Variants in ALG14 observed in about 807,000 individuals in gnomAD.
The protein encoded by ALG14 is UDP-N-acetylglucosamine transferase subunit ALG14.
ALG14 carries 17 observed loss-of-function variants against 22.8 expected under a neutral mutation model. That is an observed-to-expected ratio of 0.75 (90% CI 0.51 to 1.12). The LOEUF is 1.12. Ranked by LOEUF, ALG14 falls within the 50% of genes most tolerant of loss-of-function variation. ALG14 has a pLI of 0.00. For synonymous variants in ALG14, 89 were observed against 103.7 expected, an observed-to-expected ratio of 0.86 and a Z score of 0.86; for missense variants, 288 against 271.8, an observed-to-expected ratio of 1.06 and a Z score of -0.42.
chr1:95,028,350 T>C (rs948841970), intron 2 of ALG14, among the ~76,000 whole-genome samples: 1 of 152,124 alleles, frequency 6.6e-6, no homozygotes, highest in Non-Finnish European at 1.5e-5. Flanking sequence ...GGACCACAGG[T>C]GTGGGCCACC....
intron 3 of ALG14, among the ~76,000 whole-genome samples, chr1:95,012,912 C>T (rs913136473): frequency 6.6e-5 from 10 of 152,164 alleles, no homozygotes; most frequent in Admixed American, 5.9e-4. Context: ...GAGGGCGAAT[C>T]ACCTGAGGTT....
intron 2 of ALG14, among the ~76,000 whole-genome samples, chr1:95,051,202 C>T (rs1462098877): frequency 7.3e-6 from 1 of 136,980 alleles, no homozygotes; most frequent in Non-Finnish European, 1.6e-5. Context: ...CACAATTACC[C>T]CTCCTGATGA....
chr1:95,024,392 T>C (rs1014644557), intron 3 of ALG14, among the ~76,000 whole-genome samples: 1 of 152,244 alleles, frequency 6.6e-6, no homozygotes, highest in Non-Finnish European at 1.5e-5. Context: ...AGCTGTTTTA[T>C]TCATCCCTTT....
chr1:95,006,552 T>C (rs1673226364), intron 3 of ALG14, among the ~76,000 whole-genome samples: 1 of 152,174 alleles, frequency 6.6e-6, no homozygotes, highest in Non-Finnish European at 1.5e-5. Context: ...GGAAGACTCA[T>C]GGAGGAAGTA....
intron 2 of ALG14, among the ~76,000 whole-genome samples, chr1:95,033,082 T>A (rs1334116642): frequency 6.6e-6 from 1 of 152,164 alleles, no homozygotes; most frequent in Non-Finnish European, 1.5e-5. Flanking sequence ...GAAATCCAAA[T>A]GAAGGCATCT....
In ALG14 at chr1:94,976,349, T is replaced by A. The variant is rs1672397147; in HGVS notation, c.*6727A>T. ...AGTGAAAGGTTATTATTATTATTTT[T>A]TCAAAACAAAACAAAAAACATCTAG... On this transcript the variant is annotated 3_prime_UTR_variant, in exon 4 of 4. Coordinates refer to ENST00000370205, the MANE Select transcript of ALG14 (RefSeq NM_144988.4). The A allele has an allele frequency of 6.6e-6, 1 of 152,140 alleles. No individual in the cohort carries two copies. Among genetic ancestry groups the A allele is most frequent in the Admixed American group, 6.5e-5 (1 of 15,268 alleles). 9.4% of individuals were successfully genotyped at this position (152,140 alleles called of 1,614,324 possible).
intron 3 of ALG14, among the ~76,000 whole-genome samples, chr1:95,022,799 A>G (rs1227920831): frequency 6.6e-6 from 1 of 152,202 alleles, no homozygotes; most frequent in Non-Finnish European, 1.5e-5. Flanking sequence ...TTCTTTGTCT[A>G]GCCAAGTTTC....
At chr1:95,045,957 T>C (rs566452480) in intron 2 of ALG14, among the ~76,000 whole-genome samples, 37 of 148,524 alleles carry the variant, frequency 2.5e-4, no homozygotes, top group Admixed American at 2.4e-3. Flanking sequence ...ATAATTAGTA[T>C]ACTAATAGAA....
intron 3 of ALG14, among the ~76,000 whole-genome samples, chr1:94,993,800 A>T (rs1557942343): frequency 1.3e-5 from 2 of 152,334 alleles, no homozygotes; most frequent in South Asian, 4.1e-4. Context: ...TAAGCAGTGC[A>T]GACATCCAGA....
chr1:95,000,402 C>G (rs1304637745), intron 3 of ALG14, among the ~76,000 whole-genome samples: 2 of 151,384 alleles, frequency 1.3e-5, no homozygotes, highest in Non-Finnish European at 2.9e-5. Context: ...AGCTGGGTGG[C>G]ATGCACCTGT....
intron 2 of ALG14, among the ~76,000 whole-genome samples, chr1:95,053,445 A>G (rs1187469130): frequency 6.6e-6 from 1 of 152,260 alleles, no homozygotes; most frequent in Non-Finnish European, 1.5e-5. Context: ...CGTAGAATCA[A>G]ATTTGAACTA....
intron 2 of ALG14, chr1:95,062,283 AC>A (rs1675190280): frequency 6.6e-6 from 1 of 152,218 alleles, no homozygotes; most frequent in African/African-American, 2.4e-5. Flanking sequence ...AAATTAAGCA[AC>A]CATTTTTTTT....
At chr1:95,028,655 C>CA (rs1673901239) in intron 2 of ALG14, among the ~76,000 whole-genome samples, 2 of 138,194 alleles carry the variant, frequency 1.4e-5, no homozygotes, top group African/African-American at 2.9e-5. Flanking sequence ...CCATTCTCTA[C>CA]AAAAAATACA....
At chr1:95,064,615 A>T (rs1314004611) in intron 2 of ALG14, among the ~76,000 whole-genome samples, 1 of 152,186 alleles carries the variant, frequency 6.6e-6, no homozygotes, top group African/African-American at 2.4e-5. Flanking sequence ...TCAACCTTGC[A>T]TCCCGGGTAT....
chr1:95,009,842 G>A (rs1401375724), intron 3 of ALG14, among the ~76,000 whole-genome samples: 2 of 152,136 alleles, frequency 1.3e-5, no homozygotes, highest in African/African-American at 4.8e-5. Context: ...TTTGATAACT[G>A]TACCTATGAT....
At chr1:95,060,308 TTCTC>T (rs1162992631) in intron 2 of ALG14, among the ~76,000 whole-genome samples, 5 of 151,238 alleles carry the variant, frequency 3.3e-5, no homozygotes, top group African/African-American at 1.2e-4. Flanking sequence ...GAGCAGAATT[TTCTC>T]TCTAACAGTG....
chr1:95,006,612 A>G (rs928990001), intron 3 of ALG14, among the ~76,000 whole-genome samples: 23 of 152,158 alleles, frequency 1.5e-4, no homozygotes, highest in African/African-American at 5.1e-4. Flanking sequence ...AACTCCAGAA[A>G]TGTGGGGCTT....
intron 3 of ALG14, among the ~76,000 whole-genome samples, chr1:94,991,109 A>G (rs1672760630): frequency 6.6e-6 from 1 of 152,244 alleles, no homozygotes; most frequent in Non-Finnish European, 1.5e-5. Context: ...TTCCCCTGTC[A>G]TGAATTCATT....
intron 3 of ALG14, among the ~76,000 whole-genome samples, chr1:95,002,245 G>T (rs973372280): frequency 8.7e-5 from 13 of 148,988 alleles, no homozygotes; most frequent in Middle Eastern, 3.5e-3. Flanking sequence ...GTAAGTACCT[G>T]GGGGGGGGAA....
Sources: allele counts gnomAD v4.1 joint callset (sites outside exome capture counted in the v4.1 genomes callset), GRCh38; gene constraint gnomAD v4.1.1; transcripts MANE v1.5; gene names NCBI Gene and HGNC (gene_info 2026-07-23, HGNC 2026-07-21).